The following WIPI1 variants were observed in gnomAD, a reference collection of about 807,000 sequenced individuals.
WIPI1 encodes WD repeat domain phosphoinositide-interacting protein 1.
WIPI1 carries 45 observed loss-of-function variants against 55.3 expected under a neutral mutation model. The observed-to-expected ratio is 0.81, with a 90% confidence interval of 0.64 to 1.04. The LOEUF is 1.04. WIPI1 is among the 50% of genes least tolerant of loss of function. The pLI, the probability that WIPI1 is intolerant of heterozygous loss-of-function variation, is 0.00. For synonymous variants in WIPI1, 195 were observed against 217.6 expected, an observed-to-expected ratio of 0.90 and a Z score of 0.92; for missense variants, 445 against 559.0, an observed-to-expected ratio of 0.80 and a Z score of 2.06.
At chr17:68,427,314 C>A (rs2083262094) in intron 10 of WIPI1, 61 bp from the exon 11 acceptor site, 1 of 1,276,378 alleles carries the variant, frequency 7.8e-7, no homozygotes, top group Non-Finnish European at 1.1e-6. Context: ...TCTAGGACAC[C>A]TTCCAAAGGA....
intron 3 of WIPI1, among the ~76,000 whole-genome samples, chr17:68,449,717 A>C (rs2084424593): frequency 6.6e-6 from 1 of 152,208 alleles, no homozygotes; most frequent in Non-Finnish European, 1.5e-5. Context: ...CCAGAAGCAG[A>C]TGCTGCCGTG....
At chr17:68,441,955 CTTTTATCTGA>C (rs2084097254) in intron 4 of WIPI1, among the ~76,000 whole-genome samples, 1 of 152,158 alleles carries the variant, frequency 6.6e-6, no homozygotes, top group Non-Finnish European at 1.5e-5. Flanking sequence ...AGGAGGCATT[CTTTTATCTGA>C]GACAGAGGAA....
intron 4 of WIPI1, among the ~76,000 whole-genome samples, chr17:68,437,937 G>A (rs2083888864): frequency 1.4e-5 from 1 of 69,548 alleles, no homozygotes; most frequent in African/African-American, 5.1e-5. Flanking sequence ...ACGCAAGAGA[G>A]ACATCTCTCT....
chr17:68,426,769 C>T (rs2083222443), intron 11 of WIPI1, among the ~76,000 whole-genome samples: 1 of 152,152 alleles, frequency 6.6e-6, no homozygotes, highest in South Asian at 2.1e-4. Context: ...CCCTGGCCTC[C>T]AGTGATCCGC....
At chr17:68,457,191 G>T in intron 1 of WIPI1, 151 bp downstream of exon 1, 1 of 884,846 alleles carries the variant, frequency 1.1e-6, no homozygotes, top group Non-Finnish European at 1.7e-6. Context: ...GGGGTACGGG[G>T]ATAACAAGAT....
intron 7 of WIPI1, among the ~76,000 whole-genome samples, 193 bp from the exon 8 acceptor site, chr17:68,433,768 T>G (rs79468908): frequency 4.7e-4 from 9 of 19,086 alleles, no homozygotes; most frequent in Admixed American, 8.5e-4. Context: ...TAGTTTTTTT[T>G]TTTTTTTTTT....
intron 8 of WIPI1, among the ~76,000 whole-genome samples, chr17:68,432,099 C>G (rs1481387966): frequency 6.6e-6 from 1 of 152,080 alleles, no homozygotes; most frequent in Non-Finnish European, 1.5e-5. Flanking sequence ...GTAAAAAGAA[C>G]CTCAGGACAA....
At chr17:68,427,375 G>A (rs1428884822) in intron 10 of WIPI1, 122 bp from the exon 11 acceptor site, 1 of 762,890 alleles carries the variant, frequency 1.3e-6, no homozygotes, top group Non-Finnish European at 2.1e-6. Flanking sequence ...ATTTATTTTT[G>A]AGGCAGGGTC....
At chr17:68,439,442 T>C (rs942149980) in intron 4 of WIPI1, among the ~76,000 whole-genome samples, 3 of 152,072 alleles carry the variant, frequency 2.0e-5, no homozygotes, top group Non-Finnish European at 4.4e-5. Flanking sequence ...CATAATCTAA[T>C]AGAGACAGAA....
intron 12 of WIPI1, among the ~76,000 whole-genome samples, chr17:68,425,275 C>G (rs1318564806): frequency 6.6e-6 from 1 of 152,222 alleles, no homozygotes; most frequent in Non-Finnish European, 1.5e-5. Context: ...ACAATCAGAG[C>G]TCACTGCAGC....
chr17:68,447,740 C>T (rs2147971769), intron 3 of WIPI1, among the ~76,000 whole-genome samples: 1 of 152,194 alleles, frequency 6.6e-6, no homozygotes, highest in East Asian at 1.9e-4. Context: ...CACCTGTAAT[C>T]CCTGCACTTT....
At chr17:68,444,650 C>A (rs11868531) in intron 3 of WIPI1, 61 bp from the exon 4 acceptor site, 40,506 of 1,373,038 alleles carry the variant, frequency 0.03, 722 homozygotes, top group Non-Finnish European at 0.035. Flanking sequence ...CTGACCAAAT[C>A]CAAATCATTC....
intron 2 of WIPI1, among the ~76,000 whole-genome samples, chr17:68,452,666 G>C (rs117691760): frequency 4.6e-5 from 7 of 152,318 alleles, no homozygotes; most frequent in Admixed American, 2.6e-4. Flanking sequence ...TCAATAATAT[G>C]ATTTCACACA....
intron 4 of WIPI1, among the ~76,000 whole-genome samples, chr17:68,437,615 T>C (rs1237235956): frequency 6.6e-6 from 1 of 150,620 alleles, no homozygotes; most frequent in Non-Finnish European, 1.5e-5. Flanking sequence ...ATAAGGGAAA[T>C]GGGTACCTCC....
At chr17:68,444,854 C>T (rs2084216984) in intron 3 of WIPI1, among the ~76,000 whole-genome samples, 2 of 151,568 alleles carry the variant, frequency 1.3e-5, no homozygotes. Flanking sequence ...TTCTTCCCTC[C>T]CTCCATTCCT....
intron 6 of WIPI1, among the ~76,000 whole-genome samples, chr17:68,435,150 T>C (rs1363265980): frequency 6.7e-6 from 1 of 149,704 alleles, no homozygotes; most frequent in East Asian, 2.0e-4. Context: ...GAGGTTGCAG[T>C]GAGCCGAGAT....
intron 2 of WIPI1, among the ~76,000 whole-genome samples, chr17:68,451,624 A>C (rs1349752298): frequency 3.3e-5 from 5 of 152,284 alleles, no homozygotes; most frequent in African/African-American, 1.2e-4. Flanking sequence ...CAAAGGCGTG[A>C]CTTCTCAGTT....
In WIPI1 at chr17:68,430,906, G is replaced by A. The variant is rs892957222; in HGVS notation, c.801-746C>T. On this transcript the variant is annotated intron_variant, in intron 8 of 12. Transcript: ENST00000262139. ...AGGATTAGGTCCTGGTGGGAAGCTC[G>A]CCCTGCAGCTCAGAGCTCTGGGAGG... Among the ~76,000 whole-genome samples, 4 of 152,304 alleles carry A rather than the reference G, an allele frequency of 2.6e-5. No homozygotes were observed. The East Asian group carries it at 5.8e-4, about 22-fold the overall frequency.
rs1027814318 is a variant in WIPI1, at chr17:68,452,919, G to A, written c.154C>T (p.His52Tyr). ...TCTCACACACACTTACTGCTTCCGT[G>A]GACTTGATCCAGCTGCTCCACAGAA... ...LSSVEQLDQVHGSNEIPDVYI... is the reference protein window; with the variant it reads ...LSSVEQLDQVYGSNEIPDVYI... The change falls in exon 2 of 13, where the codon CAC becomes TAC. Residue 52 changes from histidine to tyrosine, a missense_variant. Coordinates refer to ENST00000262139, the MANE Select transcript of WIPI1 (RefSeq NM_017983.7). 24 of 1,613,690 alleles carry A rather than the reference G, an allele frequency of 1.5e-5. No homozygotes were observed. Among genetic ancestry groups the A allele is most frequent in the Non-Finnish European group, 1.9e-5 (23 of 1,179,978 alleles).
Sources: gnomAD v4.1 joint callset for allele counts (sites outside exome capture counted in the v4.1 genomes callset) on GRCh38, gnomAD v4.1.1 for gene constraint, MANE v1.5 for transcripts, NCBI Gene and HGNC (gene_info 2026-07-23, HGNC 2026-07-21) for gene names.